The following DNAAF9 variants were observed in gnomAD, a reference collection of about 807,000 sequenced individuals.
The protein encoded by DNAAF9 is shulin.
In DNAAF9, 90 loss-of-function variants were observed where a neutral mutation model predicts 167.0. The observed-to-expected ratio is 0.54, with a 90% CI of 0.45 to 0.64. DNAAF9 has a LOEUF of 0.64. Among genes scored for constraint, DNAAF9 ranks in the 30% least tolerant of loss-of-function variants. DNAAF9 has a pLI of 0.00. For missense variants in DNAAF9, 1,315 were observed against 1,442.2 expected, an observed-to-expected ratio of 0.91 and a Z score of 1.43; for synonymous variants, 491 against 508.8, an observed-to-expected ratio of 0.96 and a Z score of 0.47.
intron 25 of DNAAF9, among the ~76,000 whole-genome samples, chr20:3,292,683 T>C (rs2068981960): frequency 6.6e-6 from 1 of 151,714 alleles, no homozygotes; most frequent in Non-Finnish European, 1.5e-5. Flanking sequence ...GGAGAATCAC[T>C]TGAACCTGGG....
chr20:3,341,936 C>T (rs2070095118), intron 9 of DNAAF9, among the ~76,000 whole-genome samples: 1 of 152,130 alleles, frequency 6.6e-6, no homozygotes, highest in Admixed American at 6.5e-5. Context: ...CGCCACCACG[C>T]CTGGCTAATT....
intron 1 of DNAAF9, among the ~76,000 whole-genome samples, chr20:3,400,327 G>T (rs573170842): frequency 6.6e-6 from 1 of 151,988 alleles, no homozygotes; most frequent in Admixed American, 6.6e-5. Context: ...ATAAAAGCTG[G>T]AGTAGTAAAC....
At chr20:3,254,708 C>A (rs1568558473) in intron 35 of DNAAF9, among the ~76,000 whole-genome samples, 1 of 152,130 alleles carries the variant, frequency 6.6e-6, no homozygotes, top group African/African-American at 2.4e-5. Context: ...TCCTTTTTAG[C>A]TTTTTGTCCC....
chr20:3,326,546 A>G (rs764830711), intron 12 of DNAAF9, among the ~76,000 whole-genome samples: 2 of 152,176 alleles, frequency 1.3e-5, no homozygotes, highest in Non-Finnish European at 2.9e-5. Context: ...AGCCTGGGCA[A>G]CATGACTTAA....
intron 6 of DNAAF9, among the ~76,000 whole-genome samples, chr20:3,362,647 T>A (rs2083378926): frequency 6.6e-6 from 1 of 152,196 alleles, no homozygotes; most frequent in South Asian, 2.1e-4. Flanking sequence ...TAGCTGCCTA[T>A]AGCACCCGCC....
At chr20:3,279,134 C>G (rs1873700104) in intron 28 of DNAAF9, among the ~76,000 whole-genome samples, 185 bp from the exon 29 acceptor site, 1 of 152,130 alleles carries the variant, frequency 6.6e-6, no homozygotes. Flanking sequence ...GCTCCCCACA[C>G]CAGGAGCCCC....
intron 1 of DNAAF9, among the ~76,000 whole-genome samples, chr20:3,394,075 C>A (rs1339315809): frequency 2.0e-5 from 3 of 152,094 alleles, no homozygotes; most frequent in African/African-American, 7.2e-5. Context: ...CAGTGGCTCC[C>A]GCCTGTAAAC....
chr20:3,392,788 ATGCT>A (rs754169403), intron 1 of DNAAF9, among the ~76,000 whole-genome samples: 23 of 145,314 alleles, frequency 1.6e-4, no homozygotes, highest in Admixed American at 2.7e-4. Context: ...TCCATGATTT[ATGCT>A]TTCTTTATCT....
chr20:3,356,921 T>C (rs1312804946), intron 7 of DNAAF9, among the ~76,000 whole-genome samples: 1 of 152,150 alleles, frequency 6.6e-6, no homozygotes, highest in Non-Finnish European at 1.5e-5. Flanking sequence ...AAAAAAGGTA[T>C]GAAAAAATAA....
chr20:3,260,426 T>C (rs2068363599), intron 31 of DNAAF9, among the ~76,000 whole-genome samples: 1 of 152,210 alleles, frequency 6.6e-6, no homozygotes, highest in Admixed American at 6.5e-5. Flanking sequence ...TGTTTAAATA[T>C]GTATATGCCT....
chr20:3,361,656 G>A (rs2083366718), intron 6 of DNAAF9, among the ~76,000 whole-genome samples: 1 of 152,220 alleles, frequency 6.6e-6, no homozygotes, highest in African/African-American at 2.4e-5. Context: ...TACATGGACA[G>A]TGGCTACACT....
chr20:3,253,929 C>A, intron 35 of DNAAF9, 110 bp from the exon 36 acceptor site: 1 of 679,552 alleles, frequency 1.5e-6, no homozygotes, highest in Admixed American at 2.5e-5. Context: ...CTCTGCTATA[C>A]AGAGGAGCTA....
chr20:3,304,385 C>T (rs2069250431), intron 21 of DNAAF9, 55 bp downstream of exon 21: 1 of 830,872 alleles, frequency 1.2e-6, no homozygotes, highest in Admixed American at 1.8e-5. Flanking sequence ...GTTTTCCCCT[C>T]AAAAGTGTGA....
intron 1 of DNAAF9, among the ~76,000 whole-genome samples, chr20:3,384,655 T>G (rs1290018768): frequency 6.6e-6 from 1 of 151,642 alleles, no homozygotes; most frequent in Non-Finnish European, 1.5e-5. Flanking sequence ...ATTACAGGCA[T>G]GCACTACCAC....
intron 25 of DNAAF9, among the ~76,000 whole-genome samples, chr20:3,293,907 AG>A (rs1372274021): frequency 6.6e-6 from 1 of 152,122 alleles, no homozygotes; most frequent in Admixed American, 6.6e-5. Context: ...GCAAGATGCT[AG>A]GGTTTTGTCA....
intron 22 of DNAAF9, among the ~76,000 whole-genome samples, chr20:3,297,669 T>C (rs1207528113): frequency 6.6e-6 from 1 of 152,192 alleles, no homozygotes; most frequent in Non-Finnish European, 1.5e-5. Flanking sequence ...GGGCAGGGAC[T>C]GGCCCATGGG....
rs1484746542 is a variant in DNAAF9, at chr20:3,252,644, G to A, written c.3462C>T (p.Asn1154=). 6.2e-7 allele frequency: 1 copy of A among 1,612,580 alleles called. No individual in the cohort carries two copies. Among genetic ancestry groups the A allele is most frequent in the South Asian group, 1.1e-5 (1 of 91,066 alleles). The change falls in exon 37 of 37, where the codon AAC becomes AAT. Residue 1154 remains asparagine (N), a synonymous_variant. Transcript: ENST00000252032. Reference sequence around the variant, plus strand: ...CCTGGTTATACTTCTCAATTTCCCGGTTGGCTTCTTCCACGTAGTCATTCA... The same window carrying A: ...CCTGGTTATACTTCTCAATTTCCCGATTGGCTTCTTCCACGTAGTCATTCA... The part of the protein sequence containing the change: ...QFMNDYVEEA[N]REIEKYNQEL...
Position 3,312,408 on chromosome 20 carries a change from C to T in DNAAF9, c.1678+2625G>A, listed in dbSNP as rs190983686. On this transcript the variant is annotated intron_variant, in intron 20 of 36. Coordinates refer to ENST00000252032, the MANE Select transcript of DNAAF9 (RefSeq NM_001009984.3). ...CCATTAACTTGTACTACATCTCAGT[C>T]AGGGTGAGGGGGCTTTAAAAAAAAA... 2.0e-5 allele frequency among the ~76,000 whole-genome samples: 3 copies of T among 151,900 alleles called. No homozygotes were observed. In the East Asian group the frequency reaches 5.8e-4, roughly 29 times the overall value.
Position 3,407,564 on chromosome 20 carries a change from G to A in DNAAF9, c.-7C>T, listed in dbSNP as rs1333953660. ...GCGGGGGGTACACGTCCATGGCGGCGGACGACTGGCGGCGGAGGAGGACGG... is the reference window on the plus strand; with the variant it reads ...GCGGGGGGTACACGTCCATGGCGGCAGACGACTGGCGGCGGAGGAGGACGG... On this transcript the variant is annotated 5_prime_UTR_variant, in exon 1 of 37. Transcript: ENST00000252032. 2 of 1,235,808 alleles carry A rather than the reference G, an allele frequency of 1.6e-6. No homozygotes were observed. The highest frequency in any genetic ancestry group is 2.0e-6 in the Non-Finnish European group (2 of 990,366). The allele number at this position is 1,235,808 out of a possible 1,614,324, so 76.6% of individuals were successfully genotyped here.
Sources: allele counts gnomAD v4.1 joint callset (sites outside exome capture counted in the v4.1 genomes callset), GRCh38; gene constraint gnomAD v4.1.1; transcripts MANE v1.5; gene names NCBI Gene and HGNC (gene_info 2026-07-23, HGNC 2026-07-21).